SMURF1: variants seen among roughly 807,000 people sequenced by gnomAD.
SMURF1 encodes the protein E3 ubiquitin-protein ligase SMURF1.
In SMURF1, 44 loss-of-function variants were observed where a neutral mutation model predicts 98.0. The observed-to-expected ratio is 0.45, with a 90% CI of 0.35 to 0.58. The LOEUF is 0.58. SMURF1 is among the 20% of genes least tolerant of loss of function. The pLI is 0.00. For missense variants in SMURF1, 687 were observed against 938.4 expected (o/e 0.73, Z 3.50); for synonymous variants, 396 against 374.9 (o/e 1.06, Z -0.65).
intron 8 of SMURF1, chr7:99,051,114 G>T: frequency 1.1e-6 from 1 of 930,242 alleles, no homozygotes; most frequent in South Asian, 1.6e-5. Context: ...GAATTGCTGT[G>T]TAACCAACTT....
At chr7:99,094,016 G>T (rs952132767) in intron 1 of SMURF1, among the ~76,000 whole-genome samples, 3 of 152,214 alleles carry the variant, frequency 2.0e-5, no homozygotes, top group Admixed American at 1.3e-4. Flanking sequence ...TCAATTAAAA[G>T]AAATTATTTG....
chr7:99,060,583 A>G lies in SMURF1; in HGVS notation c.203+16T>C, dbSNP rs775057185. 17 of 1,597,844 alleles carry G rather than the reference A, an allele frequency of 1.1e-5. No individual in the cohort carries two copies. Among genetic ancestry groups the G allele is most frequent in the Non-Finnish European group, 1.4e-5 (16 of 1,165,800 alleles). ...TCCTGCCGCTCCGCATGGGGCTTAC[A>G]GAACATTCAACTCACAGATCATAGT... On this transcript the variant is annotated intron_variant, in intron 3 of 17. Coordinates refer to ENST00000361368, the MANE Select transcript of SMURF1 (RefSeq NM_181349.3).
chr7:99,122,291 G>A (rs1797649172), intron 1 of SMURF1, among the ~76,000 whole-genome samples: 1 of 146,686 alleles, frequency 6.8e-6, no homozygotes, highest in South Asian at 2.1e-4. Context: ...TCGGGCCACC[G>A]CACTCCAGCC....
At chr7:99,080,260 C>G (rs1039092469) in intron 1 of SMURF1, among the ~76,000 whole-genome samples, 3 of 152,118 alleles carry the variant, frequency 2.0e-5, no homozygotes, top group Non-Finnish European at 4.4e-5. Context: ...AAAATTTACC[C>G]AAAGAAACAA....
At chr7:99,125,246 T>C (rs560841766) in intron 1 of SMURF1, among the ~76,000 whole-genome samples, 3 of 152,176 alleles carry the variant, frequency 2.0e-5, no homozygotes, top group South Asian at 4.1e-4. Context: ...GCCTGGCTAA[T>C]TTTTTGTTTT....
chr7:99,092,256 A>C lies in SMURF1; in HGVS notation c.56-30419T>G, dbSNP rs540407154. 1.1e-3 allele frequency among the ~76,000 whole-genome samples: 161 copies of C among 152,302 alleles called. 1 individual carries two copies. Among genetic ancestry groups the C allele is most frequent in the Non-Finnish European group, 1.3e-3 (91 of 68,020 alleles). ...TAACCTTTCCATATTGATATTCACA[A>C]ACTTCCAGTGTGTGTCATATTTATA... On this transcript the variant is annotated intron_variant, in intron 1 of 17. Transcript: ENST00000361368.
intron 1 of SMURF1, among the ~76,000 whole-genome samples, chr7:99,098,343 G>C (rs979178521): frequency 6.6e-6 from 1 of 152,060 alleles, no homozygotes; most frequent in African/African-American, 2.4e-5. Flanking sequence ...AGGTAACTGA[G>C]TTAGAAGGAC....
intron 1 of SMURF1, among the ~76,000 whole-genome samples, chr7:99,105,171 C>T (rs1797168371): frequency 6.6e-6 from 1 of 152,236 alleles, no homozygotes; most frequent in Non-Finnish European, 1.5e-5. Context: ...CCTTCACAAT[C>T]TGCCACATCC....
intron 1 of SMURF1, among the ~76,000 whole-genome samples, chr7:99,141,108 G>A (rs28609623): frequency 6.6e-6 from 1 of 152,308 alleles, no homozygotes; most frequent in Middle Eastern, 3.4e-3. Context: ...AAGGGAAAGG[G>A]AAAAGGTGTT....
At chr7:99,051,572 C>G (rs1336378923) in intron 7 of SMURF1, 131 bp from the exon 8 acceptor site, 2 of 729,172 alleles carry the variant, frequency 2.7e-6, no homozygotes, top group Non-Finnish European at 4.8e-6. Context: ...CAGTTCTTCT[C>G]TCTGAGGTGG....
chr7:99,084,882 G>C (rs1008101490), intron 1 of SMURF1, among the ~76,000 whole-genome samples: 3 of 152,136 alleles, frequency 2.0e-5, no homozygotes, highest in African/African-American at 4.8e-5. Context: ...GATCATGGGG[G>C]TGGGGTTCTC....
At chr7:99,062,811 G>A (rs1408005367) in intron 1 of SMURF1, among the ~76,000 whole-genome samples, 1 of 152,100 alleles carries the variant, frequency 6.6e-6, no homozygotes, top group Non-Finnish European at 1.5e-5. Context: ...TCTCACCACT[G>A]CACTCCAGCC....
intron 6 of SMURF1, among the ~76,000 whole-genome samples, chr7:99,053,988 T>A (rs181278591): frequency 6.6e-6 from 1 of 152,270 alleles, no homozygotes; most frequent in African/African-American, 2.4e-5. Flanking sequence ...TGGAGCGCAG[T>A]GGTGTGATCA....
chr7:99,050,718 A>T, intron 8 of SMURF1: 1 of 524,756 alleles, frequency 1.9e-6, no homozygotes, highest in East Asian at 2.9e-5. Context: ...CATTATAGGT[A>T]CTGAGTCATA....
intron 1 of SMURF1, among the ~76,000 whole-genome samples, chr7:99,102,822 G>T (rs1337614301): frequency 2.0e-5 from 3 of 151,862 alleles, no homozygotes; most frequent in Middle Eastern, 3.4e-3. Context: ...GCATTTTTTT[G>T]GTTTTTTTGT....
Position 99,035,534 on chromosome 7 carries a change from T to G in SMURF1, c.1992A>C (p.Gln664His). Residue 664 changes from glutamine (Q) to histidine (H), a missense_variant, in exon 16 of 18, where the codon CAA becomes CAC. Around this residue, in one of 2 missense-constraint regions of SMURF1, gnomAD observed 272 missense variants for 430.0 expected, o/e 0.63. Coordinates refer to ENST00000361368, the MANE Select transcript of SMURF1 (RefSeq NM_181349.3). ...AGTCACCTTGCAAAGCCTTGAAGCC[T>G]TGGAGCGGGACTCGCGTGGACCCAG... ...FVTGSTRVPL[Q>H]GFKALQGSTG... 2.5e-6 allele frequency: 4 copies of G among 1,614,210 alleles called. No individual in the cohort carries two copies. The highest frequency in any genetic ancestry group is 3.4e-6 in the Non-Finnish European group (4 of 1,180,042).
chr7:99,057,253 A>G lies in SMURF1; in HGVS notation c.355T>C (p.Cys119Arg). 6.2e-7 allele frequency: 1 copy of G among 1,614,124 alleles called. No individual in the cohort carries two copies. The highest frequency in any genetic ancestry group is 8.5e-7 in the Non-Finnish European group (1 of 1,179,996). The stretch of plus-strand genomic sequence containing the variant: ...TCAGTATCTGAGGGGTTTAGTTTGC[A>G]TAGATCCAAACGCTGGTCTGTAAAC... ...KDTGYQRLDLCKLNPSDTDAV... is the reference protein window; with the variant it reads ...KDTGYQRLDLRKLNPSDTDAV... Residue 119 changes from cysteine (C) to arginine (R), a missense_variant, in exon 5 of 18, where the codon TGC becomes CGC. Coordinates refer to ENST00000361368, the MANE Select transcript of SMURF1 (RefSeq NM_181349.3).
At chr7:99,038,808 C>G (rs938093409) in intron 13 of SMURF1, among the ~76,000 whole-genome samples, 5 of 152,140 alleles carry the variant, frequency 3.3e-5, no homozygotes, top group Non-Finnish European at 7.4e-5. Flanking sequence ...AACCCAGCTG[C>G]TTTGTAAGCA....
At chr7:99,059,976 G>A (rs1274123676) in intron 3 of SMURF1, among the ~76,000 whole-genome samples, 1 of 151,874 alleles carries the variant, frequency 6.6e-6, no homozygotes, top group Non-Finnish European at 1.5e-5. Context: ...CTGAAAAACA[G>A]TAGCATGTGG....
Sources: gnomAD v4.1 joint callset for allele counts (sites outside exome capture counted in the v4.1 genomes callset) on GRCh38, gnomAD v4.1.1 for gene constraint, gnomAD v4.1.1 regional missense constraint, MANE v1.5 for transcripts, NCBI Gene and HGNC (gene_info 2026-07-23, HGNC 2026-07-21) for gene names.